PDSS2: variants seen among roughly 807,000 people sequenced by gnomAD.
PDSS2 encodes the protein all trans-polyprenyl-diphosphate synthase PDSS2.
In PDSS2, 31 loss-of-function variants were observed where a neutral mutation model predicts 44.5. The ratio of observed to expected loss-of-function variants is 0.70; its 90% CI spans 0.52 to 0.94. The LOEUF is 0.94. PDSS2 is among the 40% of genes least tolerant of loss of function. The pLI, the probability that PDSS2 is intolerant of heterozygous loss-of-function variation, is 0.00. For synonymous variants in PDSS2, 157 were observed against 180.3 expected, an observed-to-expected ratio of 0.87 and a Z score of 1.03; for missense variants, 452 against 482.2, an observed-to-expected ratio of 0.94 and a Z score of 0.59.
At chr6:107,265,151 G>T (rs1045543866) in intron 3 of PDSS2, among the ~76,000 whole-genome samples, 4 of 152,134 alleles carry the variant, frequency 2.6e-5, no homozygotes, top group African/African-American at 9.7e-5. Context: ...AAAAATCTAA[G>T]TGTTACCTAA....
At chr6:107,161,443 G>A (rs533208024) in intron 7 of PDSS2, among the ~76,000 whole-genome samples, 1 of 148,374 alleles carries the variant, frequency 6.7e-6, no homozygotes, top group African/African-American at 2.5e-5. Flanking sequence ...TTGTGCCACT[G>A]CACTCCAACC....
At chr6:107,302,273 C>T (rs149974325) in intron 2 of PDSS2, among the ~76,000 whole-genome samples, 77 of 150,984 alleles carry the variant, frequency 5.1e-4, no homozygotes, top group African/African-American at 1.7e-3. Flanking sequence ...TAAACTTTCC[C>T]TCTTTTTTTT....
chr6:107,186,584 C>T (rs1006177673), intron 7 of PDSS2, among the ~76,000 whole-genome samples: 2 of 152,106 alleles, frequency 1.3e-5, no homozygotes, highest in Admixed American at 1.3e-4. Context: ...CCTATTGACC[C>T]GCTCTCTAAG....
chr6:107,210,646 C>G, intron 5 of PDSS2, 76 bp from the exon 6 acceptor site: 3 of 946,134 alleles, frequency 3.2e-6, no homozygotes, highest in Admixed American at 3.5e-5. Flanking sequence ...TCAGAAAGTA[C>G]CAGTTAATGC....
At chr6:107,425,947 C>T (rs1369220886) in intron 1 of PDSS2, among the ~76,000 whole-genome samples, 3 of 146,306 alleles carry the variant, frequency 2.1e-5, no homozygotes, top group Non-Finnish European at 3.0e-5. Flanking sequence ...GGCGACAGAG[C>T]GAGACTTCGT....
At position 107,154,266 on chromosome 6, in the gene PDSS2, C is replaced by T; in HGVS notation, c.*353G>A. On this transcript the variant is annotated 3_prime_UTR_variant, in exon 8 of 8. Transcript: ENST00000369037. ...TTCCAACTTGCTTTGTCCTCTCTAG[C>T]AGGAAAAACCACAGGCCACCGCCCT... 1 of 323,588 alleles carries T rather than the reference C, an allele frequency of 3.1e-6. No homozygotes were observed. The highest frequency in any genetic ancestry group is 2.8e-5 in the South Asian group (1 of 35,846). 20.0% of individuals were successfully genotyped at this position (323,588 alleles called of 1,614,324 possible).
intron 1 of PDSS2, among the ~76,000 whole-genome samples, chr6:107,427,342 T>C (rs992916771): frequency 1.3e-5 from 2 of 152,208 alleles, no homozygotes; most frequent in Non-Finnish European, 2.9e-5. Context: ...TCCCCAGTCA[T>C]GTGGAACTGT....
intron 1 of PDSS2, among the ~76,000 whole-genome samples, chr6:107,420,010 T>A (rs1225077310): frequency 1.3e-5 from 2 of 152,146 alleles, no homozygotes; most frequent in Admixed American, 6.6e-5. Context: ...TAAACCGAAG[T>A]CCCTGACAAC....
chr6:107,294,550 C>T (rs1024560803), intron 2 of PDSS2, among the ~76,000 whole-genome samples: 1 of 152,058 alleles, frequency 6.6e-6, no homozygotes, highest in African/African-American at 2.4e-5. Context: ...TACTAGGCTT[C>T]TCCTGCATGT....
At chr6:107,452,070 T>A (rs1216855603) in intron 1 of PDSS2, among the ~76,000 whole-genome samples, 5 of 152,164 alleles carry the variant, frequency 3.3e-5, no homozygotes. Flanking sequence ...TTGCCAAGGC[T>A]AGAGTGCAGT....
At chr6:107,396,093 A>G (rs1478907) in intron 1 of PDSS2, among the ~76,000 whole-genome samples, 1 of 152,146 alleles carries the variant, frequency 6.6e-6, no homozygotes, top group African/African-American at 2.4e-5. Flanking sequence ...CTGGTCCTGT[A>G]TGTTCTCTGG....
intron 1 of PDSS2, among the ~76,000 whole-genome samples, chr6:107,342,597 A>T (rs575594043): frequency 2.0e-5 from 3 of 152,278 alleles, no homozygotes; most frequent in African/African-American, 7.2e-5. Context: ...TTGTTTCTTC[A>T]TTTAGGAGAA....
At chr6:107,295,833 AT>A (rs1395367986) in intron 2 of PDSS2, among the ~76,000 whole-genome samples, 1 of 151,592 alleles carries the variant, frequency 6.6e-6, no homozygotes, top group East Asian at 1.9e-4. Flanking sequence ...CCCTAGAATA[AT>A]TTTTTTTAGA....
chr6:107,174,859 C>T (rs1771731123), intron 7 of PDSS2, among the ~76,000 whole-genome samples: 1 of 152,062 alleles, frequency 6.6e-6, no homozygotes, highest in African/African-American at 2.4e-5. Flanking sequence ...ATAATAATAA[C>T]AGCAATGACA....
At chr6:107,362,419 GACA>G (rs1244718812) in intron 1 of PDSS2, among the ~76,000 whole-genome samples, 1 of 152,134 alleles carries the variant, frequency 6.6e-6, no homozygotes, top group Non-Finnish European at 1.5e-5. Context: ...CAGACACAAG[GACA>G]ACAACTAGGA....
At chr6:107,173,597 A>AC (rs1771685096) in intron 7 of PDSS2, among the ~76,000 whole-genome samples, 1 of 148,680 alleles carries the variant, frequency 6.7e-6, no homozygotes, top group Non-Finnish European at 1.5e-5. Context: ...AAAAAAAAAA[A>AC]CGCTTAGAAC....
At chr6:107,359,815 G>C (rs1221065336) in intron 1 of PDSS2, among the ~76,000 whole-genome samples, 5 of 152,072 alleles carry the variant, frequency 3.3e-5, no homozygotes, top group Admixed American at 3.3e-4. Context: ...GGAGGCGGGG[G>C]GCGGTCCTTG....
intron 1 of PDSS2, among the ~76,000 whole-genome samples, chr6:107,335,915 C>T (rs1230324314): frequency 6.7e-6 from 1 of 149,156 alleles, no homozygotes; most frequent in Admixed American, 6.8e-5. Flanking sequence ...AACAAAGAAT[C>T]AATTTAAGTT....
intron 7 of PDSS2, among the ~76,000 whole-genome samples, chr6:107,177,313 T>C (rs1444470414): frequency 6.6e-6 from 1 of 152,068 alleles, no homozygotes; most frequent in Non-Finnish European, 1.5e-5. Context: ...GTATTTTTAG[T>C]AGAGACGGGG....
Sources: allele counts gnomAD v4.1 joint callset (sites outside exome capture counted in the v4.1 genomes callset), GRCh38; gene constraint gnomAD v4.1.1; transcripts MANE v1.5; gene names NCBI Gene and HGNC (gene_info 2026-07-23, HGNC 2026-07-21).